Variants in BCAS1 observed in about 807,000 individuals in gnomAD.
BCAS1 encodes breast carcinoma-amplified sequence 1.
Under a neutral mutation model 65.4 loss-of-function variants are expected in BCAS1, and 46 were observed. That is an observed-to-expected ratio of 0.70 (90% CI 0.55 to 0.90). The LOEUF (loss-of-function observed/expected upper bound fraction) is 0.90. Ranked by LOEUF, BCAS1 falls within the 40% of genes least tolerant of loss-of-function variation. The probability of loss-of-function intolerance (pLI) is 0.00; values close to 1 mark genes in which losing one functional copy is unlikely to be tolerated. For missense variants in BCAS1, 793 were observed against 771.2 expected (o/e 1.03, Z -0.33); for synonymous variants, 298 against 293.5 (o/e 1.02, Z -0.16).
rs762458112 is a variant in BCAS1 at position 53,996,023 on chromosome 20, C to T, written c.751G>A (p.Gly251Arg). The T allele has an allele frequency of 6.2e-7, 1 of 1,604,752 alleles. No individual in the cohort carries two copies. Among genetic ancestry groups the T allele is most frequent in the South Asian group, 1.1e-5 (1 of 89,638 alleles). The change falls in exon 5 of 13, where the codon GGA becomes AGA. Residue 251 changes from glycine to arginine, a missense_variant. Coordinates refer to ENST00000688948, the MANE Select transcript of BCAS1 (RefSeq NM_001366298.2). Reference protein sequence around the residue: ...KDIVDGKEKEGQELGTADCSV... With the variant: ...KDIVDGKEKERQELGTADCSV... ...CAATCCGCAGTTCCAAGTTCTTGTC[C>T]TTCTTTTTCCTTGCCGTCAACTATG...
At chr20:54,052,208 T>C (rs1424050435) in intron 3 of BCAS1, among the ~76,000 whole-genome samples, 1 of 152,186 alleles carries the variant, frequency 6.6e-6, no homozygotes, top group African/African-American at 2.4e-5. Flanking sequence ...ATGATGAAGG[T>C]ATAAAGCTTC....
At chr20:54,055,064 GAGA>G (rs1209498512) in intron 3 of BCAS1, among the ~76,000 whole-genome samples, 1 of 152,118 alleles carries the variant, frequency 6.6e-6, no homozygotes, top group Non-Finnish European at 1.5e-5. Flanking sequence ...GGAGGATGGA[GAGA>G]AGGATAGAGA....
At chr20:54,046,400 G>A (rs1224697124) in intron 3 of BCAS1, among the ~76,000 whole-genome samples, 7 of 151,918 alleles carry the variant, frequency 4.6e-5, no homozygotes, top group African/African-American at 1.7e-4. Context: ...GTGGTGGCGG[G>A]CACCTGTAAT....
intron 10 of BCAS1, among the ~76,000 whole-genome samples, chr20:53,957,830 T>C (rs1000856400): frequency 1.3e-5 from 2 of 152,104 alleles, no homozygotes. Context: ...GAATGAACAA[T>C]TGACCCATGA....
intron 10 of BCAS1, among the ~76,000 whole-genome samples, chr20:53,962,739 C>T (rs1680738978): frequency 6.6e-6 from 1 of 152,188 alleles, no homozygotes; most frequent in African/African-American, 2.4e-5. Flanking sequence ...CAGGAGCCCG[C>T]AGGATTTCTG....
rs1391430290 is a variant in BCAS1, at chr20:53,946,060, C to T, written c.1816-1064G>A. ...AAGTGATGGAGTTACAGGTGTAAGCCACTATGCCTAGCCTGAGTACTATTA... is the reference window on the plus strand; with the variant it reads ...AAGTGATGGAGTTACAGGTGTAAGCTACTATGCCTAGCCTGAGTACTATTA... On this transcript the variant is annotated intron_variant, in intron 12 of 12. Coordinates refer to ENST00000688948, the MANE Select transcript of BCAS1 (RefSeq NM_001366298.2). Among the ~76,000 whole-genome samples, 4 of 152,148 alleles carry T rather than the reference C, an allele frequency of 2.6e-5. No individual in the cohort carries two copies. The East Asian group carries it at 7.7e-4, about 29-fold the overall frequency.
rs775881741 is a variant in BCAS1 at position 53,985,452 on chromosome 20, T to C, written c.1110A>G (p.Lys370=). 1.2e-6 allele frequency: 2 copies of C among 1,613,984 alleles called. No homozygotes were observed. Among genetic ancestry groups the C allele is most frequent in the Admixed American group, 3.3e-5 (2 of 60,012 alleles). Reference sequence around the variant, plus strand: ...GGGTCTCCTGGGATGTAAAGTTGGCTTTGTCTGACTTAAGGTCAGCTGAAG... The same window carrying C: ...GGGTCTCCTGGGATGTAAAGTTGGCCTTGTCTGACTTAAGGTCAGCTGAAG... ...PTTSADLKSD[K]ANFTSQETQG... is the part of the protein sequence containing the mutation. The change falls in exon 8 of 13, where the codon AAA becomes AAG. Residue 370 remains lysine, a synonymous_variant. Coordinates refer to ENST00000688948, the MANE Select transcript of BCAS1 (RefSeq NM_001366298.2).
At chr20:54,063,848 G>C (rs916247473) in intron 1 of BCAS1, among the ~76,000 whole-genome samples, 4 of 152,154 alleles carry the variant, frequency 2.6e-5, no homozygotes, top group Admixed American at 1.3e-4. Flanking sequence ...CATGATAAAC[G>C]TACAATTGAA....
In BCAS1 at chr20:54,028,378, C is replaced by G. The variant is rs369196959; in HGVS notation, c.723+14G>C. 1.2e-6 allele frequency: 2 copies of G among 1,614,018 alleles called. No homozygotes were observed. The highest frequency in any genetic ancestry group is 1.7e-6 in the Non-Finnish European group (2 of 1,179,946). ...TGCATTCAGAACCAAGTGGATACAC[C>G]TTGGCACACTTACCTTCCCTGCAGG... is the stretch of plus-strand genomic sequence containing the variant. On this transcript the variant is annotated intron_variant, in intron 4 of 12. Transcript: ENST00000688948.
intron 3 of BCAS1, among the ~76,000 whole-genome samples, chr20:54,047,203 A>G (rs1054331048): frequency 1.3e-5 from 2 of 152,028 alleles, no homozygotes; most frequent in Admixed American, 1.3e-4. Context: ...AGAACTTCTG[A>G]TATTGTGTCT....
At chr20:54,000,072 T>C (rs1340657328) in intron 4 of BCAS1, among the ~76,000 whole-genome samples, 1 of 152,210 alleles carries the variant, frequency 6.6e-6, no homozygotes. Context: ...ACCACTCTAC[T>C]TTAAGTTGCT....
At chr20:53,967,402 C>T (rs6013853) in intron 9 of BCAS1, among the ~76,000 whole-genome samples, 17,741 of 152,086 alleles carry the variant, frequency 0.12, 3,259 homozygotes, top group African/African-American at 0.39. Context: ...TAATCTGCCA[C>T]GTAGGTGAAT....
At chr20:54,069,002 CA>C (rs1419203942) in intron 1 of BCAS1, among the ~76,000 whole-genome samples, 1 of 152,124 alleles carries the variant, frequency 6.6e-6, no homozygotes, top group African/African-American at 2.4e-5. Context: ...TTCCTAAAAA[CA>C]AAACCCTTCT....
Position 53,995,917 on chromosome 20 carries a change from G to T in BCAS1, c.857C>A (p.Ser286Tyr). The change falls in exon 5 of 13, where the codon TCC becomes TAC. Residue 286 changes from serine to tyrosine, a missense_variant. Transcript: ENST00000688948. ...CAGAGTTTTAAAGAAACTCATGATG[G>T]AATTATTATTCTCTGCTATAGCTGC... ...QAAAIAENNN[S>Y]IMSFFKTLVS... 1 of 1,609,246 alleles carries T rather than the reference G, an allele frequency of 6.2e-7. No homozygotes were observed. Among genetic ancestry groups the T allele is most frequent in the Non-Finnish European group, 8.5e-7 (1 of 1,177,828 alleles).
chr20:53,993,857 A>G (rs1402136370), intron 6 of BCAS1, among the ~76,000 whole-genome samples: 3 of 152,244 alleles, frequency 2.0e-5, no homozygotes, highest in African/African-American at 7.2e-5. Context: ...ACCAAGAAAT[A>G]CAATACAAAT....
At chr20:53,969,020 T>C (rs551605077) in intron 9 of BCAS1, among the ~76,000 whole-genome samples, 1 of 152,234 alleles carries the variant, frequency 6.6e-6, no homozygotes, top group Non-Finnish European at 1.5e-5. Flanking sequence ...GAAAAGTAAG[T>C]GTGAGCCACA....
At chr20:54,035,197 G>A (rs993330436) in intron 3 of BCAS1, among the ~76,000 whole-genome samples, 1 of 150,884 alleles carries the variant, frequency 6.6e-6, no homozygotes, top group Non-Finnish European at 1.5e-5. Flanking sequence ...CGGATCATGA[G>A]GTCAGGAGAT....
chr20:54,013,424 A>T (rs2091364823), intron 4 of BCAS1, among the ~76,000 whole-genome samples: 1 of 152,234 alleles, frequency 6.6e-6, no homozygotes, highest in Admixed American at 6.5e-5. Flanking sequence ...AAAAATCCAA[A>T]TGTTTACAAA....
At chr20:54,045,457 G>A (rs1265611955) in intron 3 of BCAS1, among the ~76,000 whole-genome samples, 1 of 152,144 alleles carries the variant, frequency 6.6e-6, no homozygotes, top group African/African-American at 2.4e-5. Flanking sequence ...TGGATGTGCT[G>A]GGAAATGTCT....
Sources: gnomAD v4.1 joint callset for allele counts (sites outside exome capture counted in the v4.1 genomes callset) on GRCh38, gnomAD v4.1.1 for gene constraint, MANE v1.5 for transcripts, NCBI Gene and HGNC (gene_info 2026-07-23, HGNC 2026-07-21) for gene names.